The following CTDP1 variants were observed in gnomAD, a reference collection of about 807,000 sequenced individuals.
The protein encoded by CTDP1 is RNA polymerase II subunit A C-terminal domain phosphatase.
Under a neutral mutation model 91.8 loss-of-function variants are expected in CTDP1, and 47 were observed. The ratio of observed to expected loss-of-function variants is 0.51; its 90% CI spans 0.41 to 0.65. The LOEUF (loss-of-function observed/expected upper bound fraction) is 0.65. Among genes scored for constraint, CTDP1 ranks in the 30% least tolerant of loss-of-function variants. The pLI is 0.00. For synonymous variants in CTDP1, 656 were observed against 598.5 expected (o/e 1.10, Z -1.40); for missense variants, 1,272 against 1,373.7 (o/e 0.93, Z 1.17).
At chr18:79,749,058 A>G (rs1276830067) in intron 12 of CTDP1, among the ~76,000 whole-genome samples, 4 of 152,220 alleles carry the variant, frequency 2.6e-5, no homozygotes, top group East Asian at 3.9e-4. Flanking sequence ...CCTGCTGTCA[A>G]CAGCACTCTG....
rs779464326 is a variant in CTDP1 at position 79,715,521 on chromosome 18, G to A, written c.2061G>A (p.Ala687=). The A allele has an allele frequency of 3.8e-5, 59 of 1,550,930 alleles. No homozygotes were observed. The East Asian group carries it at 1.2e-3, about 31-fold the overall frequency. ...ACAGGGCCACGCACCTGATCGCCGC[G>A]CGAGCTGGTGAGTGCTGCCTCCCTG... The part of the protein sequence containing the change: ...APDRATHLIA[A]RAGTEKVLQA... Residue 687 remains alanine, a synonymous_variant, in exon 8 of 13, where the codon GCG becomes GCA. Coordinates refer to ENST00000613122, the MANE Select transcript of CTDP1 (RefSeq NM_004715.5).
intron 1 of CTDP1, among the ~76,000 whole-genome samples, chr18:79,682,206 C>CT (rs2085386962): frequency 2.0e-5 from 3 of 152,210 alleles, no homozygotes; most frequent in African/African-American, 7.2e-5. Context: ...TGCCCTGGCT[C>CT]TGGGGGGCTG....
At position 79,717,323 on chromosome 18, in the gene CTDP1, C is replaced by T. The variant is rs979985688; in HGVS notation, c.2069-212C>T. Among the ~76,000 whole-genome samples, 14 of 144,460 alleles carry T rather than the reference C, an allele frequency of 9.7e-5. No individual in the cohort carries two copies. In the South Asian group the frequency reaches 1.8e-3, roughly 18 times the overall value. The allele number at this position is 144,460 out of a possible 152,430, so 94.8% of individuals were successfully genotyped here. On this transcript the variant is annotated intron_variant, in intron 8 of 12. Transcript: ENST00000613122. Reference sequence around the variant, plus strand: ...AGTGAGGGCCTTGGTGGGGTGCAGCCGGGTGAGGGCCCTGGTGGGGTACAG... The same window carrying T: ...AGTGAGGGCCTTGGTGGGGTGCAGCTGGGTGAGGGCCCTGGTGGGGTACAG...
intron 1 of CTDP1, among the ~76,000 whole-genome samples, chr18:79,689,053 A>T (rs2085566915): frequency 6.6e-6 from 1 of 152,228 alleles, no homozygotes. Flanking sequence ...TCCTGAAAAC[A>T]AAGACGTGCT....
chr18:79,748,720 C>T (rs1309463565), intron 12 of CTDP1, among the ~76,000 whole-genome samples: 1 of 152,206 alleles, frequency 6.6e-6, no homozygotes, highest in African/African-American at 2.4e-5. Context: ...CGCCTGCGGC[C>T]GCCTCATCTC....
At chr18:79,717,758 C>T (rs1037544801) in intron 9 of CTDP1, 52 bp from the exon 10 acceptor site, 3 of 1,613,604 alleles carry the variant, frequency 1.9e-6, no homozygotes, top group African/African-American at 1.3e-5. Flanking sequence ...TGGGCAGTGC[C>T]CCTCATCACC....
rs528380015 is a variant in CTDP1, at chr18:79,737,043, C to T, written c.2747+522C>T. ...AGGGTGGTGCCTGATGTGGGTCCCC[C>T]GCCGGTGACAGTGGTCCCCGCCTCC... On this transcript the variant is annotated intron_variant, in intron 12 of 12. Transcript: ENST00000613122. Among the ~76,000 whole-genome samples the T allele has an allele frequency of 1.3e-3, 193 of 152,330 alleles. 1 individual carries two copies. Among genetic ancestry groups the T allele is most frequent in the African/African-American group, 4.1e-3 (171 of 41,566 alleles).
chr18:79,702,293 CT>C (rs1411870744), intron 4 of CTDP1, among the ~76,000 whole-genome samples: 1 of 152,222 alleles, frequency 6.6e-6, no homozygotes, highest in African/African-American at 2.4e-5. Context: ...AGGTGAGACC[CT>C]GCGCCGACAG....
At chr18:79,740,770 T>C (rs985479795) in intron 12 of CTDP1, among the ~76,000 whole-genome samples, 2 of 152,204 alleles carry the variant, frequency 1.3e-5, no homozygotes, top group Non-Finnish European at 2.9e-5. Context: ...TTCATTCTTC[T>C]CTCAAGTCAA....
At chr18:79,738,004 TCCCCCGCAGGTCCCCGCCTC>T (rs1434572042) in intron 12 of CTDP1, among the ~76,000 whole-genome samples, 2 of 130,456 alleles carry the variant, frequency 1.5e-5, no homozygotes, top group East Asian at 2.3e-4. Flanking sequence ...TCCCCCGGCC[TCCCCCGCAGGTCCCCGCCTC>T]CCCCCGCCCG....
chr18:79,715,090 C>CTGGGCAACGGCT lies in CTDP1; in HGVS notation c.1631_1642dup (p.Leu544_Gly547dup). The stretch of plus-strand genomic sequence containing the variant: ...GGGCGAGCGGGATGGCCTCTGCGGC[C>CTGGGCAACGGCT]TGGGCAACGGCTGTGCCGACAGGAA... On this transcript the variant is annotated inframe_insertion, in exon 8 of 13. Transcript: ENST00000613122. 1 of 1,613,220 alleles carries CTGGGCAACGGCT rather than the reference C, an allele frequency of 6.2e-7. No individual in the cohort carries two copies. Among genetic ancestry groups the CTGGGCAACGGCT allele is most frequent in the South Asian group, 1.1e-5 (1 of 90,958 alleles).
chr18:79,684,857 A>G (rs1200606896), intron 1 of CTDP1, among the ~76,000 whole-genome samples: 2 of 152,090 alleles, frequency 1.3e-5, no homozygotes, highest in Middle Eastern at 3.4e-3. Context: ...ACTCCATTGG[A>G]AAGAAACTGA....
intron 1 of CTDP1, among the ~76,000 whole-genome samples, chr18:79,686,131 T>C (rs2085488714): frequency 1.3e-5 from 2 of 152,202 alleles, no homozygotes; most frequent in Non-Finnish European, 2.9e-5. Context: ...GGTTTTTAGG[T>C]ATCTCCGATC....
rs894211127 is a variant in CTDP1 at position 79,713,921 on chromosome 18, G to A, written c.1031-570G>A. Among the ~76,000 whole-genome samples the A allele has an allele frequency of 2.1e-5, 3 of 142,036 alleles. No homozygotes were observed. The highest frequency in any genetic ancestry group is 3.1e-5 in the Non-Finnish European group (2 of 64,168). The allele number at this position is 142,036 out of a possible 152,430, so 93.2% of individuals were successfully genotyped here. A position where few individuals can be genotyped will look rare whatever the true frequency, so the allele number is the denominator to read the frequency against. ...TGGCGCCAGGTCTGCAGGGGCTTAC[G>A]GCCACGGTGGCGCCAGGTCTGCAGG... On this transcript the variant is annotated intron_variant, in intron 7 of 12. Coordinates refer to ENST00000613122, the MANE Select transcript of CTDP1 (RefSeq NM_004715.5). The surrounding 1 kb of genome is among the most constrained non-coding windows in gnomAD (Gnocchi z 4.7).
intron 10 of CTDP1, among the ~76,000 whole-genome samples, chr18:79,723,403 A>AC (rs1439346855): frequency 6.6e-6 from 1 of 151,748 alleles, no homozygotes; most frequent in African/African-American, 2.4e-5. Context: ...CCCCGTGCAG[A>AC]CCCCATTGTG....
intron 3 of CTDP1, 130 bp from the exon 4 acceptor site, chr18:79,697,730 C>T (rs1454894950): frequency 1.3e-5 from 18 of 1,374,800 alleles, no homozygotes; most frequent in South Asian, 2.4e-5. Context: ...GCCTGTACGG[C>T]GCAGTCCATG....
At chr18:79,696,749 G>T (rs925026522) in intron 3 of CTDP1, among the ~76,000 whole-genome samples, 1 of 152,142 alleles carries the variant, frequency 6.6e-6, no homozygotes, top group Non-Finnish European at 1.5e-5. Flanking sequence ...TTTTATCTTC[G>T]AGTGCTACGC....
At chr18:79,685,199 G>A (rs967543969) in intron 1 of CTDP1, 1 of 152,272 alleles carries the variant, frequency 6.6e-6, no homozygotes, top group African/African-American at 2.4e-5. Flanking sequence ...CTAGTGTGGG[G>A]GGAGTAGCTA....
intron 10 of CTDP1, among the ~76,000 whole-genome samples, chr18:79,722,633 G>A (rs911596599): frequency 6.6e-6 from 1 of 152,186 alleles, no homozygotes; most frequent in African/African-American, 2.4e-5. Flanking sequence ...GTCACGTTAA[G>A]GAAATGTCTC....
Sources: allele counts gnomAD v4.1 joint callset (sites outside exome capture counted in the v4.1 genomes callset), GRCh38; gene constraint gnomAD v4.1.1; non-coding constraint Gnocchi (gnomAD v3.1); transcripts MANE v1.5; gene names NCBI Gene and HGNC (gene_info 2026-07-23, HGNC 2026-07-21).